OSBPL9: variants seen among roughly 807,000 people sequenced by gnomAD.
The protein encoded by OSBPL9 is oxysterol binding protein like 9.
In OSBPL9, 40 loss-of-function variants were observed where a neutral mutation model predicts 106.6. That is an observed-to-expected ratio of 0.38 (90% CI 0.29 to 0.49). OSBPL9 has a LOEUF of 0.49. Ranked by LOEUF, OSBPL9 falls within the 20% of genes least tolerant of loss-of-function variation. The probability of loss-of-function intolerance (pLI) is 0.97; values close to 1 mark genes in which losing one functional copy is unlikely to be tolerated. For synonymous variants in OSBPL9, 269 were observed against 295.4 expected, an observed-to-expected ratio of 0.91 and a Z score of 0.92; for missense variants, 609 against 887.2, an observed-to-expected ratio of 0.69 and a Z score of 3.98.
At chr1:51,593,348 C>A (rs1645285661) in intron 1 of OSBPL9, among the ~76,000 whole-genome samples, 1 of 152,258 alleles carries the variant, frequency 6.6e-6, no homozygotes, top group South Asian at 2.1e-4. Flanking sequence ...TTCTAATACC[C>A]AGGTCAGATC....
At chr1:51,634,897 G>A (rs147667089) in intron 1 of OSBPL9, among the ~76,000 whole-genome samples, 17 of 152,270 alleles carry the variant, frequency 1.1e-4, no homozygotes, top group African/African-American at 4.1e-4. Context: ...GAGGGAAACC[G>A]CTGAAAACCA....
At chr1:51,594,614 ACT>A (rs1437116239) in intron 1 of OSBPL9, among the ~76,000 whole-genome samples, 2 of 152,040 alleles carry the variant, frequency 1.3e-5, no homozygotes, top group South Asian at 2.1e-4. Flanking sequence ...CTAATTTAAC[ACT>A]CTGAACAATC....
chr1:51,748,436 G>T, intron 7 of OSBPL9, 38 bp downstream of exon 7: 1 of 1,444,560 alleles, frequency 6.9e-7, no homozygotes, highest in Admixed American at 2.9e-5. Context: ...CTTTGCATTA[G>T]AAAATGTTTT....
intron 4 of OSBPL9, among the ~76,000 whole-genome samples, chr1:51,731,443 ACT>A (rs1289656540): frequency 2.6e-5 from 4 of 151,906 alleles, no homozygotes; most frequent in African/African-American, 7.3e-5. Flanking sequence ...AGAGAGCAAG[ACT>A]CTGTCTCAAA....
intron 4 of OSBPL9, among the ~76,000 whole-genome samples, chr1:51,739,504 C>T (rs1360891890): frequency 6.6e-5 from 10 of 151,832 alleles, no homozygotes; most frequent in Non-Finnish European, 5.9e-5. Context: ...CTACAGCTAC[C>T]ATGTTGACAA....
At chr1:51,543,350 T>C in the OSBPL9 span, among the ~76,000 whole-genome samples, 14 of 152,342 alleles carry the variant, frequency 9.2e-5, no homozygotes, top group Admixed American at 9.2e-4. Context: ...GAGGCAGGTC[T>C]TCTTACAACC....
intron 1 of OSBPL9, among the ~76,000 whole-genome samples, chr1:51,644,078 TAAA>T (rs968921768): frequency 1.6e-4 from 7 of 43,250 alleles, no homozygotes; most frequent in African/African-American, 3.0e-4. Context: ...AGACCTTGTC[TAAA>T]AAAAAAAAAA....
Position 51,624,353 on chromosome 1 carries a change from C to T in OSBPL9, c.111+7132C>T, listed in dbSNP as rs1396573190. On this transcript the variant is annotated intron_variant, in intron 1 of 23. Transcript: ENST00000428468. ...TGTAATCCCCCAGCACTTTGGGAGTCGAGGCAGGTGGGTCACTTGAGGTCA... is the reference window on the plus strand; with the variant it reads ...TGTAATCCCCCAGCACTTTGGGAGTTGAGGCAGGTGGGTCACTTGAGGTCA... 5.3e-5 allele frequency among the ~76,000 whole-genome samples: 8 copies of T among 151,934 alleles called. No homozygotes were observed. The East Asian group carries it at 9.7e-4, about 18-fold the overall frequency.
chr1:51,522,388 G>A, the OSBPL9 span, among the ~76,000 whole-genome samples: 4 of 152,116 alleles, frequency 2.6e-5, no homozygotes, highest in African/African-American at 9.7e-5. Flanking sequence ...TTCATTCGTA[G>A]GTTCTGGTTT....
chr1:51,787,250 A>G, intron 22 of OSBPL9, 103 bp from the exon 23 acceptor site: 1 of 1,133,146 alleles, frequency 8.8e-7, no homozygotes, highest in South Asian at 1.4e-5. Flanking sequence ...TTAGTCTGTG[A>G]CCTACAGCAC....
chr1:51,700,066 C>G (rs1301445376), intron 3 of OSBPL9, among the ~76,000 whole-genome samples: 1 of 152,170 alleles, frequency 6.6e-6, no homozygotes, highest in Admixed American at 6.5e-5. Context: ...TTTGATCAAT[C>G]CTTCTGTATG....
chr1:51,646,251 A>G (rs1017276881), intron 1 of OSBPL9, among the ~76,000 whole-genome samples: 3 of 152,178 alleles, frequency 2.0e-5, no homozygotes, highest in Non-Finnish European at 2.9e-5. Flanking sequence ...ATCTAAGAGC[A>G]TGAGGTATCT....
chr1:51,776,387 G>A (rs1675080882), intron 14 of OSBPL9, among the ~76,000 whole-genome samples: 1 of 152,062 alleles, frequency 6.6e-6, no homozygotes, highest in African/African-American at 2.4e-5. Flanking sequence ...ATTAATAGTG[G>A]GACGCTGAGC....
At chr1:51,737,661 C>T (rs56063399) in intron 4 of OSBPL9, among the ~76,000 whole-genome samples, 4,592 of 150,942 alleles carry the variant, frequency 0.03, 139 homozygotes, top group Middle Eastern at 0.088. Flanking sequence ...CATGTGTGTA[C>T]TTATCTAGCA....
At chr1:51,583,049 A>G (rs1443389125) in intron 1 of OSBPL9, 1 of 152,100 alleles carries the variant, frequency 6.6e-6, no homozygotes, top group Non-Finnish European at 1.5e-5. Context: ...AGATCGCACC[A>G]CTGCACTCCA....
chr1:51,539,206 A>T, the OSBPL9 span, among the ~76,000 whole-genome samples: 15 of 152,032 alleles, frequency 9.9e-5, no homozygotes, highest in African/African-American at 3.6e-4. Flanking sequence ...AGAACTCCTA[A>T]TTTCCCTGCC....
At chr1:51,704,720 C>T (rs995806287) in intron 3 of OSBPL9, among the ~76,000 whole-genome samples, 1 of 152,122 alleles carries the variant, frequency 6.6e-6, no homozygotes, top group Non-Finnish European at 1.5e-5. Flanking sequence ...TGAGGTGCCT[C>T]GTCACATTAA....
At chr1:51,730,157 C>T in intron 4 of OSBPL9, 1 of 1,243,774 alleles carries the variant, frequency 8.0e-7, no homozygotes, top group Non-Finnish European at 1.0e-6. Flanking sequence ...CCGGGCCCCT[C>T]TTCCTTGGGA....
chr1:51,533,620 G>A, the OSBPL9 span, among the ~76,000 whole-genome samples: 1 of 152,086 alleles, frequency 6.6e-6, no homozygotes, highest in Admixed American at 6.6e-5. Context: ...CAAAGCAGGT[G>A]GCATTTGAAT....
Sources: allele counts gnomAD v4.1 joint callset (sites outside exome capture counted in the v4.1 genomes callset), GRCh38; gene constraint gnomAD v4.1.1; transcripts MANE v1.5; gene names NCBI Gene and HGNC (gene_info 2026-07-23, HGNC 2026-07-21).